Variants in PWWP3A observed in about 807,000 individuals in gnomAD.
PWWP3A encodes the protein PWWP domain-containing DNA repair factor 3A.
In PWWP3A, 53 loss-of-function variants were observed where a neutral mutation model predicts 79.0. The observed-to-expected ratio is 0.67, with a 90% CI of 0.54 to 0.84. PWWP3A has a LOEUF of 0.84. PWWP3A is among the 40% of genes least tolerant of loss of function. PWWP3A has a pLI of 0.00. For synonymous variants in PWWP3A, 443 were observed against 394.4 expected, an observed-to-expected ratio of 1.12 and a Z score of -1.46; for missense variants, 973 against 948.0, an observed-to-expected ratio of 1.03 and a Z score of -0.35.
chr19:1,360,853 C>T lies in PWWP3A; in HGVS notation c.932C>T (p.Pro311Leu), dbSNP rs559002866. The change falls in exon 5 of 14, where the codon CCG becomes CTG. Residue 311 changes from proline (P) to leucine (L), a missense_variant. Transcript: ENST00000591337. The surrounding 1 kb of genome is among the most constrained non-coding windows in gnomAD (Gnocchi z 4.4). ...CCGCGCCTGGATGGCAGCCAAAGGC[C>T]GCCTGCCGTGCAGCTGGAGCCCATG... ...KRPRLDGSQR[P>L]PAVQLEPMAA... 263 of 1,548,468 alleles carry T rather than the reference C, an allele frequency of 1.7e-4. No individual in the cohort carries two copies. The highest frequency in any genetic ancestry group is 2.2e-4 in the Non-Finnish European group (248 of 1,147,886).
chr19:1,366,577 C>T (rs2082134202), intron 8 of PWWP3A, among the ~76,000 whole-genome samples, 196 bp downstream of exon 8: 2 of 150,036 alleles, frequency 1.3e-5, no homozygotes, highest in Admixed American at 1.3e-4. Flanking sequence ...GTGAGTCAGA[C>T]AGAGGCTGGG....
Position 1,355,117 on chromosome 19 carries a change from G to A in PWWP3A, c.-88G>A, listed in dbSNP as rs1015551848. 1 of 152,406 alleles carries A rather than the reference G, an allele frequency of 6.6e-6. No individual in the cohort carries two copies. Among genetic ancestry groups the A allele is most frequent in the African/African-American group, 2.4e-5 (1 of 41,356 alleles). The allele number at this position is 152,406 out of a possible 1,614,324, so 9.4% of individuals were successfully genotyped here. ...TTGCCCGGGCTTGGGGCGCCGCGCT[G>A]GGGAAAGCCGGGGGCCCGGTGAGCC... On this transcript the variant is annotated 5_prime_UTR_variant, in exon 1 of 14. Coordinates refer to ENST00000591337, the MANE Select transcript of PWWP3A (RefSeq NM_001369789.1).
chr19:1,358,318 A>T, intron 3 of PWWP3A, 76 bp from the exon 4 acceptor site: 1 of 1,326,706 alleles, frequency 7.5e-7, no homozygotes, highest in Non-Finnish European at 1.1e-6. Flanking sequence ...TTCTTTTGTT[A>T]TCTAAAGGAA....
chr19:1,371,428 C>T, intron 12 of PWWP3A: 1 of 701,948 alleles, frequency 1.4e-6, no homozygotes, highest in South Asian at 1.5e-5. Context: ...TGGAAATTCC[C>T]AAGTCAGAAT....
chr19:1,358,836 G>C (rs1440539660), intron 4 of PWWP3A: 3 of 502,662 alleles, frequency 6.0e-6, no homozygotes, highest in Admixed American at 2.4e-5. Flanking sequence ...TACTGTCGCT[G>C]CCTGGCCAGT....
At chr19:1,358,126 T>C in intron 3 of PWWP3A, 1 of 454,494 alleles carries the variant, frequency 2.2e-6, no homozygotes. Context: ...ATTTGCTTCA[T>C]AAAAGTCACA....
chr19:1,367,131 T>C, intron 8 of PWWP3A, 29 bp from the exon 9 acceptor site: 2 of 1,586,336 alleles, frequency 1.3e-6, no homozygotes, highest in Non-Finnish European at 8.6e-7. Flanking sequence ...AGTTCATTCA[T>C]GTTAACTTTT....
At chr19:1,367,324 T>C in intron 9 of PWWP3A, 104 bp downstream of exon 9, 1 of 957,772 alleles carries the variant, frequency 1.0e-6, no homozygotes, top group Non-Finnish European at 1.6e-6. Flanking sequence ...GGTGTACGCG[T>C]GTGAATGATT....
Position 1,361,293 on chromosome 19 carries a change from G to A in PWWP3A, c.1111+261G>A, listed in dbSNP as rs529124698. 6.6e-5 allele frequency among the ~76,000 whole-genome samples: 10 copies of A among 152,308 alleles called. No individual in the cohort carries two copies. The South Asian group carries it at 2.1e-3, about 32-fold the overall frequency. ...GTGAGTGGGGAGCCCGTAGAGGGGC[G>A]GCGGGCCACGATTGTCTGCGGCGCG... is the stretch of plus-strand genomic sequence containing the variant. On this transcript the variant is annotated intron_variant, in intron 5 of 13. Coordinates refer to ENST00000591337, the MANE Select transcript of PWWP3A (RefSeq NM_001369789.1).
chr19:1,365,063 T>C (rs1182410144), intron 7 of PWWP3A, among the ~76,000 whole-genome samples: 15 of 152,138 alleles, frequency 9.9e-5, no homozygotes, highest in Admixed American at 2.6e-4. Flanking sequence ...GAGGTTGCAG[T>C]GAGCCAAGAC....
In PWWP3A at chr19:1,376,562, C is replaced by G; in HGVS notation, c.2119C>G (p.Arg707Gly). ...CAACCAGCTCCTTGAAGAGCGGAAC[C>G]GGCGCCGTCGGTGAGGGAGCAGCCG... ...FDNQLLEERN[R>G]RRR Residue 707 changes from arginine to glycine, a missense_variant, in exon 14 of 14, where the codon CGG becomes GGG. By Grantham distance (125) the Arg-to-Gly change is moderately radical. Transcript: ENST00000591337. 2.5e-6 allele frequency: 4 copies of G among 1,613,494 alleles called. No homozygotes were observed. The highest frequency in any genetic ancestry group is 3.4e-6 in the Non-Finnish European group (4 of 1,179,888).
chr19:1,373,012 AGGCCACTTGG>A (rs2082294434), intron 12 of PWWP3A, 50 bp from the exon 13 acceptor site: 1 of 1,517,270 alleles, frequency 6.6e-7, no homozygotes, highest in African/African-American at 1.4e-5. Flanking sequence ...TCTTAACCGC[AGGCCACTTGG>A]GGCCAGTTGG....
chr19:1,355,589 C>T (rs1023852794), intron 1 of PWWP3A, among the ~76,000 whole-genome samples: 17 of 138,476 alleles, frequency 1.2e-4, no homozygotes, highest in African/African-American at 4.5e-4. Flanking sequence ...TCTGCTGTGA[C>T]CCCCTTCTCT....
In PWWP3A at chr19:1,356,351, C is replaced by A; in HGVS notation, c.-42C>A. 1 of 1,602,856 alleles carries A rather than the reference C, an allele frequency of 6.2e-7. No individual in the cohort carries two copies. The highest frequency in any genetic ancestry group is 1.1e-5 in the South Asian group (1 of 90,874). On this transcript the variant is annotated 5_prime_UTR_variant, in exon 2 of 14. Transcript: ENST00000591337. ...CACATTGGCGTGAGACCTGGGAGTACGTTGTGCCAAATCATTGCCACTTGC... is the reference window on the plus strand; with the variant it reads ...CACATTGGCGTGAGACCTGGGAGTAAGTTGTGCCAAATCATTGCCACTTGC...
rs1160971315 is a variant in PWWP3A, at chr19:1,366,346, A to G, written c.1326A>G (p.Leu442=). The G allele has an allele frequency of 4.3e-6, 7 of 1,614,122 alleles. No homozygotes were observed. The highest frequency in any genetic ancestry group is 1.3e-5 in the African/African-American group (1 of 74,948). ...AGAGAGATAAGAAAGCAAGTGTGCT[A>G]TACATCGAAGGACACATGAACCCGA... The part of the protein sequence containing the change: ...VRQRDKKASV[L]YIEGHMNPKM... The change falls in exon 8 of 14, where the codon CTA becomes CTG. Residue 442 remains leucine, a synonymous_variant. Coordinates refer to ENST00000591337, the MANE Select transcript of PWWP3A (RefSeq NM_001369789.1).
At chr19:1,364,713 G>A in intron 7 of PWWP3A, 134 bp downstream of exon 7, 1 of 824,174 alleles carries the variant, frequency 1.2e-6, no homozygotes, top group Non-Finnish European at 1.9e-6. Flanking sequence ...GGGAAAAGTT[G>A]GTGGGTTTTT....
chr19:1,356,041 G>C (rs1038471500), intron 1 of PWWP3A, among the ~76,000 whole-genome samples: 1 of 152,176 alleles, frequency 6.6e-6, no homozygotes, highest in South Asian at 2.1e-4. Flanking sequence ...TCCGCACGGA[G>C]ATGATTTATT....
rs2082368418 is a variant in PWWP3A at position 1,375,649 on chromosome 19, A to G, written c.2076-870A>G. On this transcript the variant is annotated intron_variant, in intron 13 of 13. Transcript: ENST00000591337. ...AATTTTATATATTATATAATATATA[A>G]TTGTATATATTATATATAAAATGTA... Among the ~76,000 whole-genome samples, 5 of 16,948 alleles carry G rather than the reference A, an allele frequency of 3.0e-4. No homozygotes were observed. The Admixed American group carries it at 3.7e-3, about 13-fold the overall frequency. 11.1% of individuals were successfully genotyped at this position (16,948 alleles called of 152,430 possible). A position where few individuals can be genotyped will look rare whatever the true frequency, so the allele number is the denominator to read the frequency against.
At chr19:1,366,505 C>T in intron 8 of PWWP3A, 124 bp downstream of exon 8, 1 of 853,966 alleles carries the variant, frequency 1.2e-6, no homozygotes, top group South Asian at 1.4e-5. Context: ...CAGGCCCGGG[C>T]AGGGCTAGTG....
Sources: allele counts gnomAD v4.1 joint callset (sites outside exome capture counted in the v4.1 genomes callset), GRCh38; gene constraint gnomAD v4.1.1; non-coding constraint Gnocchi (gnomAD v3.1); transcripts MANE v1.5; gene names NCBI Gene and HGNC (gene_info 2026-07-23, HGNC 2026-07-21).